The following PTPRG variants were observed in gnomAD, a reference collection of about 807,000 sequenced individuals.
PTPRG encodes the protein receptor-type tyrosine-protein phosphatase gamma.
A neutral mutation model predicts 165.3 loss-of-function variants in PTPRG; 102 were observed. The ratio of observed to expected loss-of-function variants is 0.62; its 90% CI spans 0.53 to 0.73. The LOEUF is 0.73. Ranked by LOEUF, PTPRG falls within the 30% of genes least tolerant of loss-of-function variation. The probability of loss-of-function intolerance (pLI) is 0.00; values close to 1 mark genes in which losing one functional copy is unlikely to be tolerated. For synonymous variants in PTPRG, 675 were observed against 669.5 expected (o/e 1.01, Z -0.13); for missense variants, 1,866 against 1,861.4 (o/e 1.00, Z -0.05).
At chr3:62,081,961 C>A (rs1475012551) in intron 5 of PTPRG, among the ~76,000 whole-genome samples, 2 of 152,160 alleles carry the variant, frequency 1.3e-5, no homozygotes, top group Admixed American at 6.5e-5. Context: ...TAAACACAAT[C>A]TTCTCCTGTG....
At chr3:62,081,677 A>G (rs1016440177) in intron 5 of PTPRG, among the ~76,000 whole-genome samples, 2 of 152,318 alleles carry the variant, frequency 1.3e-5, no homozygotes, top group African/African-American at 2.4e-5. Context: ...ACACGTGCTT[A>G]TATGCTTGAA....
At chr3:61,873,689 G>A (rs547903165) in intron 2 of PTPRG, among the ~76,000 whole-genome samples, 1 of 152,098 alleles carries the variant, frequency 6.6e-6, no homozygotes, top group Non-Finnish European at 1.5e-5. Context: ...GGTAGTTTTT[G>A]TCCACTGTAT....
chr3:61,657,342 G>A (rs1409889129), intron 1 of PTPRG, among the ~76,000 whole-genome samples: 1 of 152,112 alleles, frequency 6.6e-6, no homozygotes, highest in Non-Finnish European at 1.5e-5. Context: ...CAGTTTCAGG[G>A]GGAGAAGGGA....
intron 6 of PTPRG, among the ~76,000 whole-genome samples, chr3:62,138,080 T>C (rs1461642376): frequency 2.0e-5 from 3 of 152,238 alleles, no homozygotes; most frequent in Non-Finnish European, 4.4e-5. Context: ...ACTGCTGCAC[T>C]GTATGTTCAT....
chr3:61,692,337 T>C (rs1381046937), intron 1 of PTPRG, among the ~76,000 whole-genome samples: 1 of 152,216 alleles, frequency 6.6e-6, no homozygotes, highest in East Asian at 1.9e-4. Flanking sequence ...AAAATGTAAA[T>C]AATAAAATTA....
chr3:61,667,475 T>C (rs1702841228), intron 1 of PTPRG, among the ~76,000 whole-genome samples: 1 of 152,214 alleles, frequency 6.6e-6, no homozygotes, highest in African/African-American at 2.4e-5. Flanking sequence ...ATAGCAAGCA[T>C]ATGTACAACG....
chr3:61,767,652 C>T (rs1041748190), intron 2 of PTPRG, among the ~76,000 whole-genome samples: 3 of 152,114 alleles, frequency 2.0e-5, no homozygotes, highest in African/African-American at 7.2e-5. Context: ...CTATAGAATG[C>T]TTTAAATGCA....
intron 10 of PTPRG, among the ~76,000 whole-genome samples, chr3:62,198,195 A>G (rs960150017): frequency 2.6e-5 from 4 of 152,252 alleles, no homozygotes; most frequent in Admixed American, 6.5e-5. Flanking sequence ...CAATATTTGT[A>G]GAATGGCTCA....
chr3:61,648,234 T>C (rs553500592), intron 1 of PTPRG, among the ~76,000 whole-genome samples: 2 of 152,368 alleles, frequency 1.3e-5, no homozygotes, highest in African/African-American at 4.8e-5. Flanking sequence ...TTAACATAGT[T>C]GTCCATTCGT....
chr3:61,800,659 TG>T (rs1263886381), intron 2 of PTPRG, among the ~76,000 whole-genome samples: 1 of 146,424 alleles, frequency 6.8e-6, no homozygotes, highest in Admixed American at 6.8e-5. Flanking sequence ...CACGGTACTC[TG>T]TTTTTTTTTT....
At chr3:62,174,481 T>A (rs146052680) in intron 8 of PTPRG, among the ~76,000 whole-genome samples, 40 of 152,338 alleles carry the variant, frequency 2.6e-4, no homozygotes, top group African/African-American at 9.6e-4. Flanking sequence ...TAGCTATGTT[T>A]TCAATTCTAA....
Position 62,203,542 on chromosome 3 carries a change from G to A in PTPRG, c.1747G>A (p.Asp583Asn), listed in dbSNP as rs1216408597. 5.8e-6 allele frequency: 9 copies of A among 1,553,706 alleles called. No homozygotes were observed. In the South Asian group the frequency reaches 5.9e-5, roughly 10 times the overall value. ...CGAGGGCACCGAGGAAGGAGAGAAG[G>A]ATGAGAAAAGCGAGAGTGAGGATGG... The part of the protein sequence containing the change: ...DGEGTEEGEK[D>N]EKSESEDGER... Residue 583 changes from aspartate (D) to asparagine (N), a missense_variant, in exon 12 of 30, where the codon GAT becomes AAT. Physicochemically the swap from Asp to Asn is conservative, Grantham distance 23. Transcript: ENST00000474889. This position sits in a 1 kb window ranked among gnomAD's most constrained non-coding sequence, Gnocchi z 6.4.
At chr3:61,565,637 T>C (rs1431582238) in intron 1 of PTPRG, among the ~76,000 whole-genome samples, 1 of 151,456 alleles carries the variant, frequency 6.6e-6, no homozygotes, top group African/African-American at 2.4e-5. Context: ...TTTTTGTCTT[T>C]CGGCCCTCAG....
chr3:61,925,786 C>A (rs948063728), intron 2 of PTPRG: 3 of 412,492 alleles, frequency 7.3e-6, no homozygotes, highest in Non-Finnish European at 1.5e-5. Context: ...GCAGCACCTG[C>A]CAACCTATAC....
intron 4 of PTPRG, among the ~76,000 whole-genome samples, chr3:62,009,877 A>G (rs559497596): frequency 1.3e-5 from 2 of 152,296 alleles, no homozygotes; most frequent in South Asian, 4.2e-4. Flanking sequence ...CACCGCTTAA[A>G]TAATCCCTCC....
At chr3:61,763,160 T>A (rs1185708800) in intron 2 of PTPRG, among the ~76,000 whole-genome samples, 1 of 152,114 alleles carries the variant, frequency 6.6e-6, no homozygotes, top group Non-Finnish European at 1.5e-5. Flanking sequence ...CTTAGACTGA[T>A]CAGGATCTAC....
intron 2 of PTPRG, among the ~76,000 whole-genome samples, chr3:61,923,947 A>G (rs1397030917): frequency 6.6e-6 from 1 of 152,128 alleles, no homozygotes; most frequent in South Asian, 2.1e-4. Context: ...ACTAGGAGAA[A>G]CATTCATTTC....
At chr3:62,051,441 A>T (rs960261106) in intron 4 of PTPRG, among the ~76,000 whole-genome samples, 1 of 152,162 alleles carries the variant, frequency 6.6e-6, no homozygotes, top group African/African-American at 2.4e-5. Context: ...TGCTTTGAAC[A>T]TGTGTAAATG....
intron 5 of PTPRG, among the ~76,000 whole-genome samples, chr3:62,082,678 A>G (rs966409673): frequency 7.2e-5 from 11 of 152,138 alleles, no homozygotes; most frequent in African/African-American, 2.7e-4. Context: ...ATGGCAGCTG[A>G]TATATTTTGG....
Sources: gnomAD v4.1 joint callset for allele counts (sites outside exome capture counted in the v4.1 genomes callset) on GRCh38, gnomAD v4.1.1 for gene constraint, Gnocchi (gnomAD v3.1) non-coding constraint, MANE v1.5 for transcripts, NCBI Gene and HGNC (gene_info 2026-07-23, HGNC 2026-07-21) for gene names.